The following PTPN4 variants were observed in gnomAD, a reference collection of about 807,000 sequenced individuals.
PTPN4 encodes the protein protein tyrosine phosphatase non-receptor type 4, also known as tyrosine-protein phosphatase non-receptor type 4.
In PTPN4, 49 loss-of-function variants were observed where a neutral mutation model predicts 135.5. The observed-to-expected ratio is 0.36, with a 90% confidence interval of 0.29 to 0.46. PTPN4 has a LOEUF of 0.46. PTPN4 is among the 20% of genes least tolerant of loss of function. The pLI, the probability that PTPN4 is intolerant of heterozygous loss-of-function variation, is 1.00. For missense variants in PTPN4, 860 were observed against 1,101.0 expected, an observed-to-expected ratio of 0.78 and a Z score of 3.10; for synonymous variants, 333 against 369.9, an observed-to-expected ratio of 0.90 and a Z score of 1.14.
chr2:119,784,821 A>G (rs1460274370), intron 1 of PTPN4, among the ~76,000 whole-genome samples: 1 of 149,444 alleles, frequency 6.7e-6, no homozygotes, highest in African/African-American at 2.5e-5. Context: ...TATAGGCGTG[A>G]GCCACCATGC....
chr2:119,768,280 A>G (rs1172877863), intron 1 of PTPN4, among the ~76,000 whole-genome samples: 1 of 152,052 alleles, frequency 6.6e-6, no homozygotes, highest in African/African-American at 2.4e-5. Flanking sequence ...GCCTAACAAG[A>G]TGTTCCAGAT....
At chr2:119,881,765 T>TTTTG (rs774098412) in intron 5 of PTPN4, 21 bp from the exon 6 acceptor site, 2 of 1,492,134 alleles carry the variant, frequency 1.3e-6, no homozygotes, top group Admixed American at 1.8e-5. Flanking sequence ...ATGCTATCCT[T>TTTTG]TTTGTTTGTT....
At chr2:119,855,328 A>T (rs550336177) in intron 2 of PTPN4, among the ~76,000 whole-genome samples, 8 of 152,306 alleles carry the variant, frequency 5.3e-5, no homozygotes, top group Non-Finnish European at 1.0e-4. Flanking sequence ...GAATTTAAAA[A>T]TAACAAGTTG....
chr2:119,840,223 C>G (rs1161496587), intron 2 of PTPN4, among the ~76,000 whole-genome samples: 1 of 152,130 alleles, frequency 6.6e-6, no homozygotes, highest in Non-Finnish European at 1.5e-5. Flanking sequence ...GGTATTAAGC[C>G]TGGCATCCAT....
At chr2:119,876,880 G>A (rs1677989813) in intron 3 of PTPN4, among the ~76,000 whole-genome samples, 1 of 146,718 alleles carries the variant, frequency 6.8e-6, no homozygotes, top group Admixed American at 6.9e-5. Flanking sequence ...GCCTGAATGA[G>A]TATAAAGCCC....
chr2:119,872,076 T>C (rs1487739033), intron 3 of PTPN4, among the ~76,000 whole-genome samples: 1 of 152,234 alleles, frequency 6.6e-6, no homozygotes. Context: ...TTCTCCAGTA[T>C]TGTTTTTAAT....
Position 119,885,841 on chromosome 2 carries a change from C to T in PTPN4, c.634C>T (p.Arg212Cys), listed in dbSNP as rs1168130883. Residue 212 changes from arginine to cysteine, a missense_variant, in exon 9 of 27, where the codon CGT becomes TGT. Arg to Cys is a radical substitution (Grantham distance 180). Coordinates refer to ENST00000263708, the MANE Select transcript of PTPN4 (RefSeq NM_002830.4). ...AGAATTTAATTACCTAAACACAGCA[C>T]GTACCTTAGAACTCTATGGAGTTGA... ...EAEFNYLNTA[R>C]TLELYGVEFH... The T allele has an allele frequency of 3.7e-6, 6 of 1,605,222 alleles. No homozygotes were observed. The African/African-American group carries it at 6.7e-5, about 18-fold the overall frequency.
rs1394635084 is a variant in PTPN4 at position 119,977,954 on chromosome 2, T to C, written c.*884T>C. ...AAGTTCACATTTTAAAAAACAGCTATATTGAGTGTTATACAGTCAAAGAAG... is the reference window on the plus strand; with the variant it reads ...AAGTTCACATTTTAAAAAACAGCTACATTGAGTGTTATACAGTCAAAGAAG... On this transcript the variant is annotated 3_prime_UTR_variant, in exon 27 of 27. Coordinates refer to ENST00000263708, the MANE Select transcript of PTPN4 (RefSeq NM_002830.4). The C allele has an allele frequency of 1.3e-5, 2 of 152,226 alleles. No individual in the cohort carries two copies. Among genetic ancestry groups the C allele is most frequent in the Non-Finnish European group, 2.9e-5 (2 of 68,030 alleles). The allele number at this position is 152,226 out of a possible 1,614,324, so 9.4% of individuals were successfully genotyped here.
chr2:119,930,249 A>G (rs1294407628), intron 13 of PTPN4, among the ~76,000 whole-genome samples: 4 of 152,152 alleles, frequency 2.6e-5, no homozygotes, highest in Non-Finnish European at 5.9e-5. Context: ...TATCTTTTTT[A>G]AAACTAATAA....
chr2:119,852,282 A>T (rs1411711112), intron 2 of PTPN4, among the ~76,000 whole-genome samples: 2 of 152,232 alleles, frequency 1.3e-5, no homozygotes, highest in Non-Finnish European at 2.9e-5. Context: ...AACGGGGATC[A>T]GCTTAGGTTG....
At chr2:119,862,962 A>G (rs1186407143) in intron 3 of PTPN4, among the ~76,000 whole-genome samples, 1 of 152,130 alleles carries the variant, frequency 6.6e-6, no homozygotes, top group Non-Finnish European at 1.5e-5. Flanking sequence ...AAATACCTTC[A>G]GATGTATATA....
intron 3 of PTPN4, among the ~76,000 whole-genome samples, chr2:119,874,056 A>G (rs1677951592): frequency 6.6e-6 from 1 of 152,222 alleles, no homozygotes. Context: ...AACAATCCAA[A>G]TGTCCATCAA....
intron 12 of PTPN4, among the ~76,000 whole-genome samples, chr2:119,923,568 A>T (rs1678768222): frequency 6.6e-6 from 1 of 152,188 alleles, no homozygotes; most frequent in South Asian, 2.1e-4. Flanking sequence ...AGAATATAAC[A>T]TCTCCAGGAC....
At chr2:119,780,421 C>T (rs1690915128) in intron 1 of PTPN4, among the ~76,000 whole-genome samples, 1 of 152,178 alleles carries the variant, frequency 6.6e-6, no homozygotes, top group Non-Finnish European at 1.5e-5. Flanking sequence ...CTTATACTTT[C>T]TACCCTAACC....
chr2:119,781,847 C>T (rs1272972852), intron 1 of PTPN4, among the ~76,000 whole-genome samples: 1 of 152,068 alleles, frequency 6.6e-6, no homozygotes, highest in East Asian at 1.9e-4. Context: ...CCTGTAAAGC[C>T]TGAAATATTT....
intron 2 of PTPN4, among the ~76,000 whole-genome samples, chr2:119,830,480 T>C (rs975211461): frequency 3.9e-5 from 6 of 152,050 alleles, no homozygotes; most frequent in Non-Finnish European, 4.4e-5. Flanking sequence ...CCTCTCTCTC[T>C]CTCTATTTTT....
intron 21 of PTPN4, 23 bp from the exon 22 acceptor site, chr2:119,956,993 T>C: frequency 6.2e-7 from 1 of 1,606,444 alleles, no homozygotes; most frequent in Non-Finnish European, 8.5e-7. Context: ...TACTAAAACA[T>C]TATTTCTTTT....
intron 1 of PTPN4, among the ~76,000 whole-genome samples, chr2:119,764,080 T>C (rs921205747): frequency 6.6e-6 from 1 of 152,230 alleles, no homozygotes; most frequent in Admixed American, 6.5e-5. Flanking sequence ...GCATTATGTC[T>C]GAAAGGATCC....
chr2:119,780,373 T>A (rs536137344), intron 1 of PTPN4, among the ~76,000 whole-genome samples: 2 of 152,178 alleles, frequency 1.3e-5, no homozygotes, highest in Non-Finnish European at 2.9e-5. Context: ...TAAAACTCAG[T>A]CTGTATTCCA....
Sources: allele counts gnomAD v4.1 joint callset (sites outside exome capture counted in the v4.1 genomes callset), GRCh38; gene constraint gnomAD v4.1.1; transcripts MANE v1.5; gene names NCBI Gene and HGNC (gene_info 2026-07-23, HGNC 2026-07-21).